COP1: variants seen among roughly 807,000 people sequenced by gnomAD.
The protein encoded by COP1 is E3 ubiquitin-protein ligase COP1.
A neutral mutation model predicts 101.3 loss-of-function variants in COP1; 24 were observed. The observed-to-expected ratio is 0.24, with a 90% CI of 0.17 to 0.33. The LOEUF is 0.33. COP1 is among the 10% of genes least tolerant of loss of function. The probability of loss-of-function intolerance (pLI) is 1.00; values close to 1 mark genes in which losing one functional copy is unlikely to be tolerated. For synonymous variants in COP1, 347 were observed against 341.9 expected (o/e 1.01, Z -0.17); for missense variants, 663 against 906.2 (o/e 0.73, Z 3.45).
chr1:175,953,718 C>T (rs963219281), intron 18 of COP1, among the ~76,000 whole-genome samples: 17 of 151,042 alleles, frequency 1.1e-4, no homozygotes, highest in African/African-American at 4.1e-4. Context: ...AGAAATTTGA[C>T]CAGCGATAAA....
At chr1:176,135,604 T>A (rs1033887067) in intron 7 of COP1, among the ~76,000 whole-genome samples, 10 of 152,052 alleles carry the variant, frequency 6.6e-5, no homozygotes, top group African/African-American at 2.4e-4. Flanking sequence ...CAGCTTTGTT[T>A]AATAATGACT....
chr1:176,188,413 C>A (rs1698729575), intron 1 of COP1, among the ~76,000 whole-genome samples: 1 of 152,054 alleles, frequency 6.6e-6, no homozygotes, highest in Non-Finnish European at 1.5e-5. Flanking sequence ...CAAGAATATA[C>A]CAACAGTAGG....
chr1:175,951,660 C>A (rs1318425156), intron 18 of COP1, among the ~76,000 whole-genome samples: 2 of 151,566 alleles, frequency 1.3e-5, no homozygotes, highest in Non-Finnish European at 2.9e-5. Context: ...AATTTCTGGA[C>A]CACAAAGCAG....
chr1:176,069,049 G>A (rs558186865), intron 11 of COP1, among the ~76,000 whole-genome samples: 3 of 152,236 alleles, frequency 2.0e-5, no homozygotes, highest in African/African-American at 4.8e-5. Flanking sequence ...TTAGCCAGGC[G>A]TGGTGGCACG....
intron 18 of COP1, among the ~76,000 whole-genome samples, chr1:175,948,049 T>G (rs561592734): frequency 2.0e-5 from 3 of 152,250 alleles, no homozygotes; most frequent in Non-Finnish European, 4.4e-5. Flanking sequence ...GAAAAAGGAC[T>G]ATCTTTCTTT....
chr1:176,037,611 T>C (rs1204137897), intron 14 of COP1, among the ~76,000 whole-genome samples: 2 of 151,960 alleles, frequency 1.3e-5, no homozygotes, highest in Non-Finnish European at 2.9e-5. Context: ...GAATAATACA[T>C]TCATGTTTAT....
At chr1:175,987,439 A>G (rs796979659) in intron 17 of COP1, among the ~76,000 whole-genome samples, 5 of 152,310 alleles carry the variant, frequency 3.3e-5, no homozygotes, top group African/African-American at 1.2e-4. Context: ...CACCAGCCTA[A>G]TAAGTCTATA....
chr1:176,080,782 T>C (rs542379010), intron 11 of COP1, among the ~76,000 whole-genome samples: 1 of 152,298 alleles, frequency 6.6e-6, no homozygotes, highest in African/African-American at 2.4e-5. Flanking sequence ...TTAAAATTCT[T>C]TTCTGGAAGC....
intron 4 of COP1, 32 bp downstream of exon 4, chr1:176,163,783 T>A: frequency 7.6e-7 from 1 of 1,319,514 alleles, no homozygotes; most frequent in Non-Finnish European, 1.1e-6. Flanking sequence ...AAATGAAATT[T>A]ATTAAAAATA....
chr1:176,205,722 C>T (rs943250724), intron 1 of COP1, among the ~76,000 whole-genome samples: 3 of 152,238 alleles, frequency 2.0e-5, no homozygotes, highest in African/African-American at 7.2e-5. Context: ...ATATGACTAA[C>T]CTCTCTATCC....
At chr1:176,142,075 A>G (rs961303578) in intron 6 of COP1, among the ~76,000 whole-genome samples, 1 of 152,102 alleles carries the variant, frequency 6.6e-6, no homozygotes, top group Non-Finnish European at 1.5e-5. Flanking sequence ...AAGCAAGAAC[A>G]AAACCAAATA....
chr1:176,043,364 G>C, intron 13 of COP1, 97 bp from the exon 14 acceptor site: 1 of 721,626 alleles, frequency 1.4e-6, no homozygotes, highest in Non-Finnish European at 2.3e-6. Context: ...TTATTGTTAC[G>C]GGGAGAGGGA....
intron 15 of COP1, among the ~76,000 whole-genome samples, chr1:176,006,463 G>C (rs1358346248): frequency 6.6e-6 from 1 of 152,144 alleles, no homozygotes; most frequent in Non-Finnish European, 1.5e-5. Context: ...TTACAATTTG[G>C]CATGATTTTG....
In COP1 at chr1:176,090,904, G is replaced by A. The variant is rs976904725; in HGVS notation, c.1027-5014C>T. Among the ~76,000 whole-genome samples the A allele has an allele frequency of 5.3e-5, 8 of 152,118 alleles. No individual in the cohort carries two copies. The East Asian group carries it at 5.8e-4, about 11-fold the overall frequency. ...AATACACAGAAAGTGAAATTATTCC[G>A]ATCAAGTGAGATAATTAAAAAGAAA... On this transcript the variant is annotated intron_variant, in intron 9 of 19. Coordinates refer to ENST00000367669, the MANE Select transcript of COP1 (RefSeq NM_022457.7).
intron 15 of COP1, among the ~76,000 whole-genome samples, chr1:175,995,165 A>T (rs1052721874): frequency 6.6e-6 from 1 of 152,212 alleles, no homozygotes; most frequent in Non-Finnish European, 1.5e-5. Context: ...TAACGAAATG[A>T]AGGCAGAAAT....
chr1:176,094,514 T>C (rs1207172388), intron 9 of COP1, among the ~76,000 whole-genome samples: 1 of 152,058 alleles, frequency 6.6e-6, no homozygotes, highest in African/African-American at 2.4e-5. Context: ...TAGAGGTAGA[T>C]ATAAATACGA....
At chr1:175,982,167 T>C (rs572430125) in intron 18 of COP1, among the ~76,000 whole-genome samples, 6 of 152,220 alleles carry the variant, frequency 3.9e-5, no homozygotes, top group African/African-American at 7.2e-5. Context: ...ATTACACTTC[T>C]GAGCATTGAA....
At chr1:176,088,606 T>G (rs1680667678) in intron 9 of COP1, among the ~76,000 whole-genome samples, 1 of 152,164 alleles carries the variant, frequency 6.6e-6, no homozygotes, top group Admixed American at 6.5e-5. Context: ...ATTATTTTAT[T>G]ATTACTTCCA....
chr1:176,013,523 TTGTA>T (rs1665061034), intron 15 of COP1, among the ~76,000 whole-genome samples: 1 of 152,182 alleles, frequency 6.6e-6, no homozygotes. Context: ...GTTTTTCTCC[TTGTA>T]TAATTTCTCA....
Sources: allele counts gnomAD v4.1 joint callset (sites outside exome capture counted in the v4.1 genomes callset), GRCh38; gene constraint gnomAD v4.1.1; transcripts MANE v1.5; gene names NCBI Gene and HGNC (gene_info 2026-07-23, HGNC 2026-07-21).